RBFOX1: variants seen among roughly 807,000 people sequenced by gnomAD.
RBFOX1 encodes RNA binding protein fox-1 homolog 1.
In RBFOX1, 8 loss-of-function variants were observed where a neutral mutation model predicts 57.7. The observed-to-expected ratio is 0.14, with a 90% confidence interval of 0.08 to 0.25. The LOEUF (loss-of-function observed/expected upper bound fraction) is 0.25, where lower values mean the gene tolerates loss of function less well. Ranked by LOEUF, RBFOX1 falls within the 10% of genes least tolerant of loss-of-function variation. The pLI is 1.00. For synonymous variants in RBFOX1, 326 were observed against 222.4 expected (o/e 1.47, Z -4.15); for missense variants, 611 against 548.5 (o/e 1.11, Z -1.14).
chr16:6,896,073 G>T (rs1387434122), intron 3 of RBFOX1, among the ~76,000 whole-genome samples: 5 of 152,068 alleles, frequency 3.3e-5, no homozygotes, highest in Non-Finnish European at 5.9e-5. Flanking sequence ...AGGAGTTTGG[G>T]ACCAACCTGG....
intron 2 of RBFOX1, among the ~76,000 whole-genome samples, chr16:6,567,695 G>GAT (rs941002602): frequency 3.2e-4 from 48 of 152,270 alleles, no homozygotes; most frequent in African/African-American, 1.2e-3. Context: ...AATGTCAGTG[G>GAT]ATGGATGCCT....
intron 3 of RBFOX1, among the ~76,000 whole-genome samples, chr16:6,819,303 C>T (rs2090794867): frequency 6.6e-6 from 1 of 152,182 alleles, no homozygotes; most frequent in Non-Finnish European, 1.5e-5. Flanking sequence ...ATAGCAGGTG[C>T]TCACTTAGGT....
chr16:6,614,492 G>T (rs117487770), intron 2 of RBFOX1, among the ~76,000 whole-genome samples: 1 of 152,170 alleles, frequency 6.6e-6, no homozygotes, highest in Non-Finnish European at 1.5e-5. Flanking sequence ...CAATCACTGC[G>T]GAATGTTTTG....
chr16:7,373,726 T>A (rs1310677997), intron 4 of RBFOX1, among the ~76,000 whole-genome samples: 3 of 152,238 alleles, frequency 2.0e-5, no homozygotes, highest in African/African-American at 7.2e-5. Flanking sequence ...TTGCAATAGT[T>A]GATACAGGGG....
At chr16:5,730,483 C>T (rs1199948008) in intron 3 of RBFOX1, among the ~76,000 whole-genome samples, 1 of 152,202 alleles carries the variant, frequency 6.6e-6, no homozygotes, top group Non-Finnish European at 1.5e-5. Context: ...ATGATCCTAT[C>T]AGTGTCCAAG....
intron 2 of RBFOX1, among the ~76,000 whole-genome samples, chr16:6,644,789 G>C (rs753575492): frequency 3.4e-4 from 52 of 152,270 alleles, no homozygotes; most frequent in Middle Eastern, 3.4e-3. Flanking sequence ...TTCCTTTTAA[G>C]GAATTTTTCT....
intron 2 of RBFOX1, among the ~76,000 whole-genome samples, chr16:6,476,010 C>T (rs1201333252): frequency 6.6e-6 from 1 of 152,100 alleles, no homozygotes; most frequent in Non-Finnish European, 1.5e-5. Context: ...ATAAACCAAA[C>T]CTTGATGCTT....
chr16:5,897,280 C>T (rs921073187), intron 4 of RBFOX1, among the ~76,000 whole-genome samples: 2 of 152,038 alleles, frequency 1.3e-5, no homozygotes, highest in Non-Finnish European at 2.9e-5. Context: ...CATGATCCAC[C>T]CGCCTCGGCC....
intron 4 of RBFOX1, among the ~76,000 whole-genome samples, chr16:7,341,009 G>C (rs538801803): frequency 6.6e-6 from 1 of 152,230 alleles, no homozygotes. Context: ...TTTGGTGTTC[G>C]GCAATGTGAG....
At chr16:7,535,857 G>A (rs769493137) in intron 5 of RBFOX1, among the ~76,000 whole-genome samples, 2 of 152,194 alleles carry the variant, frequency 1.3e-5, no homozygotes, top group Non-Finnish European at 2.9e-5. Flanking sequence ...GTTAGGCAAA[G>A]TGCCTGGAAC....
intron 7 of RBFOX1, among the ~76,000 whole-genome samples, chr16:7,593,608 G>C (rs759651296): frequency 1.3e-5 from 2 of 152,000 alleles, no homozygotes; most frequent in African/African-American, 4.8e-5. Flanking sequence ...TATTTTTCTC[G>C]ATACAGTTCA....
intron 2 of RBFOX1, among the ~76,000 whole-genome samples, chr16:5,577,151 C>G (rs2046484419): frequency 6.6e-6 from 1 of 152,192 alleles, no homozygotes; most frequent in Admixed American, 6.5e-5. Flanking sequence ...TGTGGGATGT[C>G]TTTATCAAAT....
intron 4 of RBFOX1, among the ~76,000 whole-genome samples, chr16:7,162,281 G>A (rs1431540622): frequency 6.6e-6 from 1 of 151,924 alleles, no homozygotes; most frequent in Non-Finnish European, 1.5e-5. Context: ...CTCTCCATAT[G>A]TATATATATG....
intron 3 of RBFOX1, among the ~76,000 whole-genome samples, chr16:6,671,835 G>A (rs564447453): frequency 6.5e-4 from 99 of 152,228 alleles, no homozygotes; most frequent in South Asian, 1.2e-3. Flanking sequence ...TCGAATCAGC[G>A]TATCCCAGTA....
intron 3 of RBFOX1, among the ~76,000 whole-genome samples, chr16:5,841,783 C>G (rs7184622): frequency 0.44 from 67,251 of 152,048 alleles, 16,285 homozygotes; most frequent in African/African-American, 0.65. Context: ...CAGCCCAGTT[C>G]TCATTTCAGC....
intron 2 of RBFOX1, among the ~76,000 whole-genome samples, chr16:6,497,718 G>C (rs1028861375): frequency 8.6e-5 from 13 of 151,884 alleles, no homozygotes; most frequent in Admixed American, 3.3e-4. Context: ...CACCATGCCT[G>C]GCTAATTTTT....
chr16:7,176,625 TG>T (rs1402416740), intron 4 of RBFOX1, among the ~76,000 whole-genome samples: 1 of 152,170 alleles, frequency 6.6e-6, no homozygotes, highest in African/African-American at 2.4e-5. Context: ...AGAAACTATA[TG>T]GGTGGCAAAG....
chr16:6,824,403 A>G (rs1263130149), intron 3 of RBFOX1, among the ~76,000 whole-genome samples: 3 of 152,192 alleles, frequency 2.0e-5, no homozygotes, highest in African/African-American at 7.2e-5. Context: ...GCGAGATTCC[A>G]TGTCAAAGAC....
intron 2 of RBFOX1, among the ~76,000 whole-genome samples, chr16:5,498,270 C>T (rs1324210826): frequency 2.6e-5 from 4 of 152,206 alleles, no homozygotes; most frequent in East Asian, 1.9e-4. Flanking sequence ...AGCTTCTCAA[C>T]GAACTGGGAT....
Sources: allele counts gnomAD v4.1 joint callset (sites outside exome capture counted in the v4.1 genomes callset), GRCh38; gene constraint gnomAD v4.1.1; transcripts MANE v1.5; gene names NCBI Gene and HGNC (gene_info 2026-07-23, HGNC 2026-07-21).